Variants in ASIC2 observed in about 807,000 individuals in gnomAD.
The protein encoded by ASIC2 is acid-sensing ion channel 2.
ASIC2 carries 25 observed loss-of-function variants against 57.3 expected under a neutral mutation model. That is an observed-to-expected ratio of 0.44 (90% CI 0.32 to 0.61). The LOEUF is 0.61. Ranked by LOEUF, ASIC2 falls within the 20% of genes least tolerant of loss-of-function variation. The pLI is 0.06. For missense variants in ASIC2, 641 were observed against 738.1 expected (o/e 0.87, Z 1.52); for synonymous variants, 319 against 307.5 (o/e 1.04, Z -0.39).
At chr17:33,796,857 G>A (rs1024027017) in intron 1 of ASIC2, among the ~76,000 whole-genome samples, 2 of 152,192 alleles carry the variant, frequency 1.3e-5, no homozygotes, top group East Asian at 3.9e-4. Flanking sequence ...CTAAAGGTGT[G>A]ATCTTGTGCA....
At chr17:33,887,386 G>C (rs1489262884) in intron 1 of ASIC2, among the ~76,000 whole-genome samples, 4 of 152,110 alleles carry the variant, frequency 2.6e-5, no homozygotes, top group African/African-American at 9.7e-5. Context: ...TGCTCTTTGG[G>C]GTCCTAGAAG....
At chr17:33,668,787 G>T (rs1017494972) in intron 1 of ASIC2, among the ~76,000 whole-genome samples, 18 of 152,318 alleles carry the variant, frequency 1.2e-4, no homozygotes, top group Admixed American at 1.0e-3. Context: ...AAAGTGTTGG[G>T]ACACCGTCTG....
At chr17:33,936,275 G>A (rs949052274) in intron 1 of ASIC2, 2 of 152,224 alleles carry the variant, frequency 1.3e-5, no homozygotes, top group Admixed American at 1.3e-4. Flanking sequence ...TCAGGATAAA[G>A]AGAGTTGACA....
intron 1 of ASIC2, among the ~76,000 whole-genome samples, chr17:33,227,646 C>T (rs113290916): frequency 0.017 from 2,601 of 152,230 alleles, 61 homozygotes; most frequent in African/African-American, 0.054. Context: ...GTACCACAGG[C>T]CACAGTACTT....
At chr17:33,836,216 C>T (rs1913270838) in intron 1 of ASIC2, among the ~76,000 whole-genome samples, 1 of 145,656 alleles carries the variant, frequency 6.9e-6, no homozygotes, top group South Asian at 2.3e-4. Context: ...CTCCTGGGTT[C>T]AAGCAATTCT....
At chr17:33,588,720 T>TA (rs1248621308) in intron 1 of ASIC2, among the ~76,000 whole-genome samples, 1 of 152,186 alleles carries the variant, frequency 6.6e-6, no homozygotes, top group Non-Finnish European at 1.5e-5. Flanking sequence ...GGGAAGGTGT[T>TA]ACCTTATACA....
At chr17:33,429,529 T>C (rs551512790) in intron 1 of ASIC2, among the ~76,000 whole-genome samples, 2 of 152,256 alleles carry the variant, frequency 1.3e-5, no homozygotes, top group East Asian at 3.9e-4. Flanking sequence ...TAGCTGGGAC[T>C]ACAGGCGCCT....
rs374612909 is a variant in ASIC2 at position 34,155,484 on chromosome 17, TG to T, written c.555+493del. Reference sequence around the variant, plus strand: ...AGCCACCGGAGCCAGCCAGACTGCCTGGGCCCCACACCCCCTTCTCTGACGG... The same window carrying T: ...AGCCACCGGAGCCAGCCAGACTGCCTGGCCCCACACCCCCTTCTCTGACGG... On this transcript the variant is annotated intron_variant, in intron 1 of 9. Transcript: ENST00000359872. 592 of 164,378 alleles carry T rather than the reference TG, an allele frequency of 3.6e-3. 3 individuals are homozygous for T. Among genetic ancestry groups the T allele is most frequent in the African/African-American group, 0.014 (570 of 41,600 alleles). 10.2% of individuals were successfully genotyped at this position (164,378 alleles called of 1,614,324 possible).
chr17:33,465,670 G>A lies in ASIC2; in HGVS notation c.556-353603C>T, dbSNP rs547400806. On this transcript the variant is annotated intron_variant, in intron 1 of 9. Transcript: ENST00000359872. ...ATTACAGACATGAGCCACCACGCCT[G>A]GCCTGAGTGTGGGCTTTGATGATAG... is the stretch of plus-strand genomic sequence containing the variant. Among the ~76,000 whole-genome samples the A allele has an allele frequency of 2.6e-5, 4 of 152,206 alleles. No individual in the cohort carries two copies. The South Asian group carries it at 6.2e-4, about 24-fold the overall frequency.
chr17:33,034,637 G>C (rs2091901470), intron 3 of ASIC2, among the ~76,000 whole-genome samples: 1 of 152,096 alleles, frequency 6.6e-6, no homozygotes, highest in Non-Finnish European at 1.5e-5. Flanking sequence ...GAATTTCAAA[G>C]GTGTTATTCC....
rs548853758 is a variant in ASIC2, at chr17:33,984,790, G to C, written c.555+171188C>G. Among the ~76,000 whole-genome samples, 7 of 152,302 alleles carry C rather than the reference G, an allele frequency of 4.6e-5. No homozygotes were observed. The East Asian group carries it at 1.2e-3, about 25-fold the overall frequency. ...GACACTATAGCTGTTGCTGAAAGGAGATGGAGGAAGGAGAGGCAAAGAGAA... is the reference window on the plus strand; with the variant it reads ...GACACTATAGCTGTTGCTGAAAGGACATGGAGGAAGGAGAGGCAAAGAGAA... On this transcript the variant is annotated intron_variant, in intron 1 of 9. Coordinates refer to the ASIC2 transcript ENST00000359872.
intron 1 of ASIC2, among the ~76,000 whole-genome samples, chr17:33,305,881 G>A (rs1247634894): frequency 3.9e-5 from 6 of 152,090 alleles, no homozygotes; most frequent in Admixed American, 2.0e-4. Flanking sequence ...TCTCTCATTG[G>A]CCAATTGTTT....
intron 1 of ASIC2, among the ~76,000 whole-genome samples, chr17:33,907,414 A>G (rs1209012848): frequency 6.6e-6 from 1 of 152,218 alleles, no homozygotes; most frequent in East Asian, 1.9e-4. Context: ...TGCAATTGCC[A>G]TCAATGGTGC....
At chr17:33,257,181 G>A (rs1051533666) in intron 1 of ASIC2, among the ~76,000 whole-genome samples, 11 of 152,204 alleles carry the variant, frequency 7.2e-5, no homozygotes, top group African/African-American at 2.4e-4. Context: ...CCAGGGCTGC[G>A]TTTGTAAGCA....
At chr17:33,531,711 C>G (rs1010763192) in intron 1 of ASIC2, among the ~76,000 whole-genome samples, 1 of 152,174 alleles carries the variant, frequency 6.6e-6, no homozygotes, top group African/African-American at 2.4e-5. Context: ...GGAGAGAGGC[C>G]CTTCTTTCCT....
intron 3 of ASIC2, among the ~76,000 whole-genome samples, chr17:33,029,542 C>T (rs1024631686): frequency 6.6e-6 from 1 of 152,218 alleles, no homozygotes. Context: ...TGATGATGGG[C>T]ATTTGGATGG....
chr17:33,898,561 C>A (rs569514638), intron 1 of ASIC2, among the ~76,000 whole-genome samples: 5 of 152,028 alleles, frequency 3.3e-5, no homozygotes, highest in Non-Finnish European at 7.4e-5. Context: ...CCTAGCTTCC[C>A]GTAGTACAAT....
chr17:33,861,322 C>T (rs1296790480), intron 1 of ASIC2, among the ~76,000 whole-genome samples: 1 of 152,132 alleles, frequency 6.6e-6, no homozygotes, highest in African/African-American at 2.4e-5. Flanking sequence ...ATTGTTTATA[C>T]AGTAATATCA....
At chr17:33,594,053 G>T (rs1904908218) in intron 1 of ASIC2, among the ~76,000 whole-genome samples, 1 of 152,228 alleles carries the variant, frequency 6.6e-6, no homozygotes. Context: ...CCATCAGGAA[G>T]ATCCTGCTGT....
Sources: gnomAD v4.1 joint callset for allele counts (sites outside exome capture counted in the v4.1 genomes callset) on GRCh38, gnomAD v4.1.1 for gene constraint, MANE v1.5 for transcripts, NCBI Gene and HGNC (gene_info 2026-07-23, HGNC 2026-07-21) for gene names.